Variants in KIAA0319L observed in about 807,000 individuals in gnomAD.
KIAA0319L encodes the protein KIAA0319 like.
KIAA0319L carries 55 observed loss-of-function variants against 120.1 expected under a neutral mutation model. The ratio of observed to expected loss-of-function variants is 0.46; its 90% confidence interval spans 0.37 to 0.57. KIAA0319L has a LOEUF of 0.57. Among genes scored for constraint, KIAA0319L ranks in the 20% least tolerant of loss-of-function variants. The pLI, the probability that KIAA0319L is intolerant of heterozygous loss-of-function variation, is 0.00. For missense variants in KIAA0319L, 1,049 were observed against 1,255.3 expected (o/e 0.84, Z 2.48); for synonymous variants, 398 against 471.9 (o/e 0.84, Z 2.03).
rs192704870 is a variant in KIAA0319L, at chr1:35,454,159, G to A, written c.1780+203C>T. On this transcript the variant is annotated intron_variant, in intron 11 of 20. Transcript: ENST00000325722. ...GGTACCAACAACAAGCCAAGGGAAG[G>A]GCACAAGCTGAGGCTGGGAAGTATC... 102 of 529,934 alleles carry A rather than the reference G, an allele frequency of 1.9e-4. 1 individual carries two copies. Among genetic ancestry groups the A allele is most frequent in the African/African-American group, 1.8e-3 (97 of 53,460 alleles). The allele number at this position is 529,934 out of a possible 1,614,324, so 32.8% of individuals were successfully genotyped here.
At position 35,526,672 on chromosome 1, in the gene KIAA0319L, G is replaced by A. The variant is rs569994494; in HGVS notation, c.143-19537C>T. ...AAGTTGCTCAGGCATGAGCCACTGT[G>A]TCCAGACTATCATATATTTTGAAGT... On this transcript the variant is annotated intron_variant, in intron 2 of 20. Coordinates refer to ENST00000325722, the MANE Select transcript of KIAA0319L (RefSeq NM_024874.5). Among the ~76,000 whole-genome samples, 3 of 152,074 alleles carry A rather than the reference G, an allele frequency of 2.0e-5. No homozygotes were observed. In the East Asian group the frequency reaches 5.8e-4, roughly 29 times the overall value.
At chr1:35,476,664 C>A (rs945816407) in intron 4 of KIAA0319L, among the ~76,000 whole-genome samples, 1 of 152,164 alleles carries the variant, frequency 6.6e-6, no homozygotes. Context: ...AATGGCTATT[C>A]AAAACAGTTC....
At chr1:35,460,994 G>T (rs1306429837) in intron 8 of KIAA0319L, among the ~76,000 whole-genome samples, 1 of 152,104 alleles carries the variant, frequency 6.6e-6, no homozygotes, top group African/African-American at 2.4e-5. Context: ...ATGTTTACAA[G>T]ATTATTCATG....
intron 2 of KIAA0319L, among the ~76,000 whole-genome samples, chr1:35,517,853 A>C (rs1033904776): frequency 1.3e-5 from 2 of 152,246 alleles, no homozygotes; most frequent in African/African-American, 2.4e-5. Flanking sequence ...AGCATTTATA[A>C]GGAAGCTAAA....
At chr1:35,555,291 T>A (rs1242942077) in intron 1 of KIAA0319L, among the ~76,000 whole-genome samples, 3 of 152,146 alleles carry the variant, frequency 2.0e-5, no homozygotes, top group African/African-American at 7.2e-5. Context: ...AAGAAGCAAT[T>A]CAAAAACTTC....
At chr1:35,509,355 C>T (rs572651246) in intron 2 of KIAA0319L, among the ~76,000 whole-genome samples, 10 of 152,288 alleles carry the variant, frequency 6.6e-5, no homozygotes, top group Non-Finnish European at 1.3e-4. Context: ...ATGAAAATAA[C>T]ACAATATATA....
intron 2 of KIAA0319L, among the ~76,000 whole-genome samples, chr1:35,540,059 G>C (rs1646731840): frequency 6.6e-6 from 1 of 152,218 alleles, no homozygotes; most frequent in African/African-American, 2.4e-5. Flanking sequence ...CCAGTTGGAA[G>C]AAAGAGAGCA....
Position 35,442,277 on chromosome 1 carries a change from G to C in KIAA0319L, c.2839C>G (p.Leu947Val). The C allele has an allele frequency of 6.2e-7, 1 of 1,613,818 alleles. No individual in the cohort carries two copies. Among genetic ancestry groups the C allele is most frequent in the Non-Finnish European group, 8.5e-7 (1 of 1,179,678 alleles). Residue 947 changes from leucine to valine, a missense_variant, in exon 19 of 21, where the codon CTG becomes GTG. Physicochemically the swap from Leu to Val is conservative, Grantham distance 32. Coordinates refer to ENST00000325722, the MANE Select transcript of KIAA0319L (RefSeq NM_024874.5). ...TFVIVVALGI[L>V]SWTVICCCKR... ...CAACAACAGATCACAGTCCAAGACA[G>C]GATTCCCAAGGCAACAACAATGACA...
rs373394790 is a variant in KIAA0319L, at chr1:35,515,688, C to T, written c.143-8553G>A. Among the ~76,000 whole-genome samples the T allele has an allele frequency of 2.0e-5, 3 of 151,778 alleles. No individual in the cohort carries two copies. The East Asian group carries it at 5.8e-4, about 29-fold the overall frequency. On this transcript the variant is annotated intron_variant, in intron 2 of 20. Transcript: ENST00000325722. ...AATCAAACCCAAAGCTAGTAGAAGA[C>T]AAGAAATAACCAAAATCGGAGCTGA...
intron 4 of KIAA0319L, among the ~76,000 whole-genome samples, chr1:35,476,599 T>G (rs1198710808): frequency 1.3e-5 from 2 of 151,982 alleles, no homozygotes; most frequent in Admixed American, 6.6e-5. Context: ...GAAGTGACTT[T>G]CAAAAAAAGA....
At chr1:35,497,331 A>C (rs1226923554) in intron 3 of KIAA0319L, among the ~76,000 whole-genome samples, 1 of 152,240 alleles carries the variant, frequency 6.6e-6, no homozygotes, top group Non-Finnish European at 1.5e-5. Flanking sequence ...TATGCTTAAA[A>C]GGAATGTTTC....
intron 8 of KIAA0319L, among the ~76,000 whole-genome samples, chr1:35,461,427 T>C (rs960366345): frequency 7.9e-5 from 12 of 152,024 alleles, no homozygotes; most frequent in Admixed American, 6.6e-5. Context: ...GATTGTGCCA[T>C]TGCACTCCAG....
chr1:35,474,785 A>G lies in KIAA0319L; in HGVS notation c.1015+20T>C, dbSNP rs559799574. 4.0e-5 allele frequency: 58 copies of G among 1,447,024 alleles called. 1 individual carries two copies. In the South Asian group the frequency reaches 6.3e-4, roughly 16 times the overall value. The allele number at this position is 1,447,024 out of a possible 1,614,324, so 89.6% of individuals were successfully genotyped here. On this transcript the variant is annotated intron_variant, in intron 5 of 20. Coordinates refer to ENST00000325722, the MANE Select transcript of KIAA0319L (RefSeq NM_024874.5). ...TTTCAAAAACAAAAAACGGTTATCCAAATGTAAGGGGATGTTTACCTTTAG... is the reference window on the plus strand; with the variant it reads ...TTTCAAAAACAAAAAACGGTTATCCGAATGTAAGGGGATGTTTACCTTTAG...
chr1:35,450,301 G>T, intron 14 of KIAA0319L, 57 bp downstream of exon 14: 1 of 1,533,508 alleles, frequency 6.5e-7, no homozygotes, highest in Non-Finnish European at 8.9e-7. Context: ...ATACTGGAAC[G>T]CGTGGCTCCT....
intron 17 of KIAA0319L, among the ~76,000 whole-genome samples, chr1:35,443,604 C>T (rs1001502072): frequency 2.0e-5 from 3 of 151,820 alleles, no homozygotes; most frequent in East Asian, 1.9e-4. Context: ...CCCGGGGGGG[C>T]GGAGGTTGCA....
Position 35,434,660 on chromosome 1 carries a change from TGAG to T in KIAA0319L, c.*231_*233del. ...TTTGCAAAAAAAGGAGGCCCTGAGG[TGAG>T]GATATCTGGGGGCCCACCAGACAGG... On this transcript the variant is annotated 3_prime_UTR_variant, in exon 21 of 21. Coordinates refer to ENST00000325722, the MANE Select transcript of KIAA0319L (RefSeq NM_024874.5). The T allele has an allele frequency of 2.0e-6, 1 of 498,998 alleles. No individual in the cohort carries two copies. Among genetic ancestry groups the T allele is most frequent in the Non-Finnish European group, 3.5e-6 (1 of 283,420 alleles). The allele number at this position is 498,998 out of a possible 1,614,324, so 30.9% of individuals were successfully genotyped here. A position where few individuals can be genotyped will look rare whatever the true frequency, so the allele number is the denominator to read the frequency against.
Position 35,484,792 on chromosome 1 carries a change from ATATATATATATATAT to A in KIAA0319L, c.667-5595_667-5581del, listed in dbSNP as rs1402197871. ...CATATATATATATATATATATATAT[ATATATATATATATAT>A]TTTTTTTTTTATTATACTCTAAGTT... is the stretch of plus-strand genomic sequence containing the variant. On this transcript the variant is annotated intron_variant, in intron 3 of 20. Transcript: ENST00000325722. 5.0e-3 allele frequency among the ~76,000 whole-genome samples: 253 copies of A among 50,188 alleles called. 8 individuals carry two copies. The highest frequency in any genetic ancestry group is 0.027 in the African/African-American group (244 of 9,138). 32.9% of individuals were successfully genotyped at this position (50,188 alleles called of 152,430 possible). A position where few individuals can be genotyped will look rare whatever the true frequency, so the allele number is the denominator to read the frequency against.
intron 3 of KIAA0319L, among the ~76,000 whole-genome samples, chr1:35,501,565 A>G (rs1177864082): frequency 6.6e-6 from 1 of 152,116 alleles, no homozygotes; most frequent in Non-Finnish European, 1.5e-5. Context: ...CTACCTGAAC[A>G]GTAAGAAAGG....
chr1:35,443,227 G>C lies in KIAA0319L; in HGVS notation c.2657-199C>G, dbSNP rs576352244. 128 of 574,308 alleles carry C rather than the reference G, an allele frequency of 2.2e-4. 1 individual carries two copies. In the South Asian group the frequency reaches 2.7e-3, roughly 12 times the overall value. The allele number at this position is 574,308 out of a possible 1,614,324, so 35.6% of individuals were successfully genotyped here. A position where few individuals can be genotyped will look rare whatever the true frequency, so the allele number is the denominator to read the frequency against. On this transcript the variant is annotated intron_variant, in intron 17 of 20. Coordinates refer to ENST00000325722, the MANE Select transcript of KIAA0319L (RefSeq NM_024874.5). ...GGAGCAGTCAGGAGGCCACTAGAAA[G>C]ACACTTCCAGCCTGTCTTCACTTGT...
Sources: allele counts gnomAD v4.1 joint callset (sites outside exome capture counted in the v4.1 genomes callset), GRCh38; gene constraint gnomAD v4.1.1; transcripts MANE v1.5; gene names NCBI Gene and HGNC (gene_info 2026-07-23, HGNC 2026-07-21).